Variants in RORA observed in about 807,000 individuals in gnomAD.
RORA encodes the protein nuclear receptor ROR-alpha.
RORA carries 7 observed loss-of-function variants against 69.5 expected under a neutral mutation model. That is an observed-to-expected ratio of 0.10 (90% confidence interval 0.06 to 0.19). RORA has a LOEUF of 0.19. Among genes scored for constraint, RORA ranks in the 10% least tolerant of loss-of-function variants. The probability of loss-of-function intolerance (pLI) is 1.00; values close to 1 mark genes in which losing one functional copy is unlikely to be tolerated. For missense variants in RORA, 457 were observed against 663.0 expected (o/e 0.69, Z 3.41); for synonymous variants, 261 against 240.8 (o/e 1.08, Z -0.78).
At chr15:61,072,630 T>G (rs1412475566) in intron 1 of RORA, among the ~76,000 whole-genome samples, 1 of 152,216 alleles carries the variant, frequency 6.6e-6, no homozygotes, top group Non-Finnish European at 1.5e-5. Context: ...TTTCTATACA[T>G]TTTGAATGAC....
intron 1 of RORA, among the ~76,000 whole-genome samples, chr15:60,800,798 C>G (rs554058571): frequency 1.7e-4 from 26 of 152,310 alleles, no homozygotes; most frequent in African/African-American, 6.3e-4. Flanking sequence ...AAGAGGCCTG[C>G]TCCCTCAGCA....
At chr15:60,519,564 G>A (rs1312482306) in intron 3 of RORA, among the ~76,000 whole-genome samples, 2 of 152,142 alleles carry the variant, frequency 1.3e-5, no homozygotes, top group Non-Finnish European at 2.9e-5. Flanking sequence ...ATTAGGCAGT[G>A]TAAAAAACAA....
chr15:61,145,732 C>A (rs751481260), intron 1 of RORA, among the ~76,000 whole-genome samples: 18 of 152,152 alleles, frequency 1.2e-4, no homozygotes, highest in Non-Finnish European at 2.2e-4. Flanking sequence ...GAGGTGGAAT[C>A]TCTGCCTCAG....
intron 2 of RORA, chr15:60,593,098 G>C: frequency 2.9e-6 from 1 of 340,962 alleles, no homozygotes; most frequent in South Asian, 2.1e-5. Context: ...GGGGAGTGGA[G>C]TAAGCTCCTC....
chr15:60,752,698 A>C (rs553881709), intron 1 of RORA, among the ~76,000 whole-genome samples: 1 of 151,566 alleles, frequency 6.6e-6, no homozygotes, highest in Admixed American at 6.6e-5. Context: ...CTGCTGGGAA[A>C]ACAACCAAAA....
At chr15:60,907,066 G>A (rs991869843) in intron 1 of RORA, among the ~76,000 whole-genome samples, 8 of 152,084 alleles carry the variant, frequency 5.3e-5, no homozygotes, top group Non-Finnish European at 1.0e-4. Context: ...TCTGAGGCTC[G>A]TTCTGACACA....
At chr15:60,939,686 G>C (rs949818249) in intron 1 of RORA, among the ~76,000 whole-genome samples, 2 of 152,204 alleles carry the variant, frequency 1.3e-5, no homozygotes, top group African/African-American at 4.8e-5. Context: ...CAGGGGGACA[G>C]CACATTTTTC....
intron 2 of RORA, among the ~76,000 whole-genome samples, chr15:60,578,740 T>C (rs2068100312): frequency 6.6e-6 from 1 of 151,854 alleles, no homozygotes; most frequent in African/African-American, 2.4e-5. Flanking sequence ...TTTTTCTGCT[T>C]CATCAAGCAC....
intron 1 of RORA, among the ~76,000 whole-genome samples, chr15:60,700,321 A>G (rs1327116397): frequency 2.0e-5 from 3 of 152,176 alleles, no homozygotes; most frequent in Non-Finnish European, 2.9e-5. Context: ...CCTTAAAGAG[A>G]AGGACAGCAG....
chr15:60,740,672 T>A (rs927008233), intron 1 of RORA, among the ~76,000 whole-genome samples: 4 of 152,120 alleles, frequency 2.6e-5, no homozygotes, highest in African/African-American at 7.2e-5. Context: ...AATAAAAAAA[T>A]CTCAGTGGCA....
At chr15:61,138,942 G>C (rs1390632308) in intron 1 of RORA, among the ~76,000 whole-genome samples, 1 of 152,054 alleles carries the variant, frequency 6.6e-6, no homozygotes, top group African/African-American at 2.4e-5. Context: ...TCAGGAGATC[G>C]AGACCATCCT....
intron 2 of RORA, among the ~76,000 whole-genome samples, chr15:60,671,587 G>C (rs1259533585): frequency 6.6e-6 from 1 of 151,558 alleles, no homozygotes; most frequent in Non-Finnish European, 1.5e-5. Flanking sequence ...AGACCAGCCT[G>C]GGCAACATAG....
In RORA at chr15:60,514,656, A is replaced by G. The variant is rs1397062664; in HGVS notation, c.384T>C (p.Cys128=). The change falls in exon 4 of 11, where the codon TGT becomes TGC. Residue 128 remains cysteine (C), a synonymous_variant. Coordinates refer to ENST00000335670, the MANE Select transcript of RORA (RefSeq NM_134261.3). ...DRTSRNRCQH[C]RLQKCLAVGM... ...CTACGGCAAGGCATTTCTGTAATCG[A>G]CAGTGTTGGCAGCGGTTTCTACTGG... 4 of 1,614,056 alleles carry G rather than the reference A, an allele frequency of 2.5e-6. No individual in the cohort carries two copies. In the East Asian group the frequency reaches 8.9e-5, roughly 36 times the overall value.
chr15:60,557,726 G>T (rs1042009433), intron 2 of RORA, among the ~76,000 whole-genome samples: 6 of 152,198 alleles, frequency 3.9e-5, no homozygotes, highest in African/African-American at 1.4e-4. Flanking sequence ...CCGAACTTCA[G>T]ACATCTCTGT....
intron 1 of RORA, among the ~76,000 whole-genome samples, chr15:60,788,686 T>C (rs757732245): frequency 6.6e-5 from 10 of 152,108 alleles, no homozygotes; most frequent in South Asian, 2.1e-4. Flanking sequence ...ACGGGGCTGA[T>C]TGCTTAAAGA....
At chr15:60,660,119 A>C (rs2070282790) in intron 2 of RORA, among the ~76,000 whole-genome samples, 1 of 152,216 alleles carries the variant, frequency 6.6e-6, no homozygotes, top group South Asian at 2.1e-4. Context: ...TAAACAAGCT[A>C]AGAGGTGAAA....
chr15:61,026,263 T>G (rs143187356), intron 1 of RORA, among the ~76,000 whole-genome samples: 1 of 152,350 alleles, frequency 6.6e-6, no homozygotes, highest in East Asian at 1.9e-4. Flanking sequence ...AGTTCACCGT[T>G]AAAGCTATGT....
intron 1 of RORA, among the ~76,000 whole-genome samples, chr15:61,090,217 C>T (rs1297039490): frequency 6.6e-6 from 1 of 152,190 alleles, no homozygotes; most frequent in Non-Finnish European, 1.5e-5. Context: ...ATTCCTGGGT[C>T]AGGCTGCATG....
intron 1 of RORA, among the ~76,000 whole-genome samples, chr15:60,843,077 G>T (rs1356436570): frequency 6.6e-6 from 1 of 152,010 alleles, no homozygotes; most frequent in East Asian, 1.9e-4. Context: ...CCAAACCCAA[G>T]ATCTACTCAG....
Sources: allele counts gnomAD v4.1 joint callset (sites outside exome capture counted in the v4.1 genomes callset), GRCh38; gene constraint gnomAD v4.1.1; transcripts MANE v1.5; gene names NCBI Gene and HGNC (gene_info 2026-07-23, HGNC 2026-07-21).